The following MEIKIN variants were observed in gnomAD, a reference collection of about 807,000 sequenced individuals.
MEIKIN encodes meiosis-specific kinetochore protein.
chr5:131,898,202 CAG>C (rs1358135962), intron 8 of MEIKIN, among the ~76,000 whole-genome samples: 1 of 152,248 alleles, frequency 6.6e-6, no homozygotes, highest in Non-Finnish European at 1.5e-5. Context: ...AGGTCCACCT[CAG>C]ACCCTATTTG....
At chr5:131,810,203 G>T (rs1396685861) in intron 12 of MEIKIN, among the ~76,000 whole-genome samples, 3 of 152,014 alleles carry the variant, frequency 2.0e-5, no homozygotes, top group Non-Finnish European at 4.4e-5. Flanking sequence ...TTATTATCTA[G>T]AAAATCAAAT....
intron 12 of MEIKIN, among the ~76,000 whole-genome samples, chr5:131,810,805 T>G (rs994715438): frequency 2.0e-5 from 3 of 152,222 alleles, no homozygotes; most frequent in African/African-American, 4.8e-5. Flanking sequence ...TCACCATTGT[T>G]TTTTATTTAA....
chr5:131,865,117 C>T (rs1484912774), intron 9 of MEIKIN, among the ~76,000 whole-genome samples: 1 of 151,750 alleles, frequency 6.6e-6, no homozygotes, highest in Non-Finnish European at 1.5e-5. Flanking sequence ...TCATTTGTAT[C>T]CTGAATTTTT....
intron 9 of MEIKIN, among the ~76,000 whole-genome samples, chr5:131,877,391 C>T (rs1750634224): frequency 6.6e-6 from 1 of 152,094 alleles, no homozygotes; most frequent in Non-Finnish European, 1.5e-5. Flanking sequence ...CACACCTGTA[C>T]CAACACTTTG....
chr5:131,822,114 G>C (rs1749519031), intron 11 of MEIKIN, among the ~76,000 whole-genome samples: 1 of 151,834 alleles, frequency 6.6e-6, no homozygotes, highest in South Asian at 2.1e-4. Context: ...GCTTCTTTTT[G>C]GTTTCTATTG....
rs889786851 is a variant in MEIKIN, at chr5:131,921,933, A to G, written c.487T>C (p.Cys163Arg). ...TGCATGTGTTCTTCCAAGTTGGGAC[A>G]CTCCCAGTCTAAAACAGCAGAGAAG... Reference protein sequence around the residue: ...FRKSDYLDWECPNLEEHMQWK... With the variant: ...FRKSDYLDWERPNLEEHMQWK... The change falls in exon 6 of 13, where the codon TGT (cysteine) becomes CGT (arginine). Residue 163 changes from cysteine to arginine, a missense_variant. Cys to Arg is a radical substitution (Grantham distance 180, BLOSUM62 -3). Transcript: ENST00000442687. The G allele has an allele frequency of 2.5e-5, 10 of 398,712 alleles. No individual in the cohort carries two copies. The highest frequency in any genetic ancestry group is 1.6e-4 in the African/African-American group (8 of 48,572). 24.7% of individuals were successfully genotyped at this position (398,712 alleles called of 1,614,324 possible).
chr5:131,841,015 A>T (rs949183436), intron 11 of MEIKIN, among the ~76,000 whole-genome samples: 3 of 151,516 alleles, frequency 2.0e-5, no homozygotes, highest in African/African-American at 4.9e-5. Flanking sequence ...TGTTCTTCAG[A>T]TTTTTTTTCT....
chr5:131,817,506 C>T (rs987700019), intron 12 of MEIKIN, among the ~76,000 whole-genome samples: 1 of 151,538 alleles, frequency 6.6e-6, no homozygotes, highest in African/African-American at 2.4e-5. Context: ...GTCCCAGCTA[C>T]TCGGGAGGCT....
At chr5:131,910,661 C>T (rs1442121247) in intron 8 of MEIKIN, among the ~76,000 whole-genome samples, 2 of 151,926 alleles carry the variant, frequency 1.3e-5, no homozygotes, top group Admixed American at 1.3e-4. Flanking sequence ...GATTATTATG[C>T]ATTGCATGCC....
chr5:131,809,517 C>T (rs7709934), intron 12 of MEIKIN, among the ~76,000 whole-genome samples: 96,800 of 152,088 alleles, frequency 0.64, 32,856 homozygotes, highest in Non-Finnish European at 0.77. Context: ...TTGATAAAAA[C>T]CAAAGAACAG....
At chr5:131,811,349 T>A (rs978126707) in intron 12 of MEIKIN, among the ~76,000 whole-genome samples, 1 of 151,984 alleles carries the variant, frequency 6.6e-6, no homozygotes, top group African/African-American at 2.4e-5. Context: ...TCTTTTCTTT[T>A]TTTTTTTTTT....
intron 11 of MEIKIN, among the ~76,000 whole-genome samples, chr5:131,842,946 G>A (rs1749942868): frequency 6.6e-6 from 1 of 152,230 alleles, no homozygotes; most frequent in Non-Finnish European, 1.5e-5. Flanking sequence ...GGATGTCCAG[G>A]TGTTTCCATA....
chr5:131,945,222 C>G lies in MEIKIN; in HGVS notation c.134G>C (p.Gly45Ala). 1 of 399,286 alleles carries G rather than the reference C, an allele frequency of 2.5e-6. No individual in the cohort carries two copies. Among genetic ancestry groups the G allele is most frequent in the Admixed American group, 4.4e-5 (1 of 22,742 alleles). 24.7% of individuals were successfully genotyped at this position (399,286 alleles called of 1,614,324 possible). A position where few individuals can be genotyped will look rare whatever the true frequency, so the allele number is the denominator to read the frequency against. The change falls in exon 2 of 13, where the codon GGC becomes GCC. Residue 45 changes from glycine (G) to alanine (A), a missense_variant. Gly to Ala is a moderately conservative substitution (Grantham distance 60, BLOSUM62 0). Transcript: ENST00000442687. ...TGCTTTCTCTGCAATCTTCGACAAG[C>G]CGTGCACTTTGCCTTTTCTCTTCGA... Reference protein sequence around the residue: ...PGSKRKGKVHGLSKIAEKAER... With the variant: ...PGSKRKGKVHALSKIAEKAER...
At chr5:131,927,287 T>G (rs1303626563) in intron 5 of MEIKIN, among the ~76,000 whole-genome samples, 1 of 152,226 alleles carries the variant, frequency 6.6e-6, no homozygotes, top group African/African-American at 2.4e-5. Context: ...CCAGTATTCC[T>G]TCTGCTACTG....
intron 9 of MEIKIN, among the ~76,000 whole-genome samples, chr5:131,856,656 ACTGT>A: frequency 6.6e-6 from 1 of 152,166 alleles, no homozygotes; most frequent in South Asian, 2.1e-4. Context: ...AACTCTTTAT[ACTGT>A]CTGAGTATCT....
At chr5:131,813,447 G>C (rs938763614) in intron 12 of MEIKIN, among the ~76,000 whole-genome samples, 7 of 124,708 alleles carry the variant, frequency 5.6e-5, no homozygotes. Flanking sequence ...TTTTTTTTGA[G>C]ACAGAGTCTT....
At chr5:131,918,828 G>A (rs1561754949) in intron 6 of MEIKIN, among the ~76,000 whole-genome samples, 1 of 152,090 alleles carries the variant, frequency 6.6e-6, no homozygotes, top group African/African-American at 2.4e-5. Flanking sequence ...CCAGGAACAC[G>A]GCTGTGACAC....
intron 10 of MEIKIN, among the ~76,000 whole-genome samples, chr5:131,851,816 T>C (rs1422644837): frequency 6.6e-6 from 1 of 152,230 alleles, no homozygotes; most frequent in Non-Finnish European, 1.5e-5. Flanking sequence ...TGATTTAAGG[T>C]GTGCAGGATG....
intron 2 of MEIKIN, among the ~76,000 whole-genome samples, 191 bp downstream of exon 2, chr5:131,944,965 G>A (rs990936808): frequency 2.0e-5 from 3 of 152,174 alleles, no homozygotes; most frequent in Non-Finnish European, 2.9e-5. Flanking sequence ...AAATTGGCAA[G>A]CCTTCCCCTT....
Sources: allele counts gnomAD v4.1 joint callset (sites outside exome capture counted in the v4.1 genomes callset), GRCh38; gene constraint gnomAD v4.1.1; transcripts MANE v1.5; gene names NCBI Gene and HGNC (gene_info 2026-07-23, HGNC 2026-07-21).